PHF21A: variants seen among roughly 807,000 people sequenced by gnomAD.
PHF21A encodes BHC80a.
PHF21A carries 11 observed loss-of-function variants against 82.5 expected under a neutral mutation model. That is an observed-to-expected ratio of 0.13 (90% CI 0.08 to 0.22). The LOEUF (loss-of-function observed/expected upper bound fraction) is 0.22, where lower values mean the gene tolerates loss of function less well. Ranked by LOEUF, PHF21A falls within the 10% of genes least tolerant of loss-of-function variation. PHF21A has a pLI of 1.00. For synonymous variants in PHF21A, 297 were observed against 302.8 expected (o/e 0.98, Z 0.20); for missense variants, 579 against 837.8 (o/e 0.69, Z 3.81).
intron 7 of PHF21A, among the ~76,000 whole-genome samples, chr11:45,975,387 CAAAAT>C (rs1417284473): frequency 1.4e-5 from 2 of 139,842 alleles, no homozygotes; most frequent in African/African-American, 6.0e-5. Context: ...TAAAACAAAA[CAAAAT>C]AAAATAAAAC....
chr11:45,971,818 C>T (rs1171146905), intron 7 of PHF21A, among the ~76,000 whole-genome samples: 2 of 150,172 alleles, frequency 1.3e-5, no homozygotes, highest in Non-Finnish European at 1.5e-5. Flanking sequence ...ATGAAGAAAG[C>T]CACCATACAG....
chr11:46,061,497 C>T (rs912089171), intron 6 of PHF21A, among the ~76,000 whole-genome samples: 1 of 152,150 alleles, frequency 6.6e-6, no homozygotes, highest in African/African-American at 2.4e-5. Context: ...TCTTGTACAA[C>T]ATTTTGCTAT....
chr11:45,983,851 G>A (rs1216733653), intron 6 of PHF21A, among the ~76,000 whole-genome samples: 1 of 152,130 alleles, frequency 6.6e-6, no homozygotes, highest in African/African-American at 2.4e-5. Flanking sequence ...CCCTAGCTGT[G>A]TGGTATCATC....
At chr11:46,078,652 A>C (rs1425388680) in intron 5 of PHF21A, among the ~76,000 whole-genome samples, 1 of 152,134 alleles carries the variant, frequency 6.6e-6, no homozygotes, top group East Asian at 1.9e-4. Context: ...TCAAAAATAA[A>C]ATTTTCTAAA....
chr11:45,940,009 G>T (rs1004871091), intron 15 of PHF21A, among the ~76,000 whole-genome samples: 1 of 151,648 alleles, frequency 6.6e-6, no homozygotes, highest in Non-Finnish European at 1.5e-5. Flanking sequence ...TAATAGAGAG[G>T]AATGTGAATC....
rs1468518480 is a variant in PHF21A, at chr11:45,932,619, CT to C, written c.*1348del. The C allele has an allele frequency of 1.3e-5, 2 of 152,586 alleles. No homozygotes were observed. 9.5% of individuals were successfully genotyped at this position (152,586 alleles called of 1,614,324 possible). Reference sequence around the variant, plus strand: ...CACTGTTTTTAGGAAACAAATAGCACTTTTGTAATTTTTTTTTACAATGTTT... The same window carrying C: ...CACTGTTTTTAGGAAACAAATAGCACTTTGTAATTTTTTTTTACAATGTTT... On this transcript the variant is annotated 3_prime_UTR_variant, in exon 19 of 19. Coordinates refer to ENST00000676320, the MANE Select transcript of PHF21A (RefSeq NM_001352027.3). This position sits in a 1 kb window ranked among gnomAD's most constrained non-coding sequence, Gnocchi z 4.3.
rs558463437 is a variant in PHF21A, at chr11:45,976,826, C to T, written c.360+2934G>A. Among the ~76,000 whole-genome samples the T allele has an allele frequency of 2.0e-4, 30 of 152,220 alleles. No individual in the cohort carries two copies. The South Asian group carries it at 6.0e-3, about 31-fold the overall frequency. ...TCCAGCCTGGGTCAAAGAGCCAGATCCTGTCTAAAAAACAAACAAACAAAC... is the reference window on the plus strand; with the variant it reads ...TCCAGCCTGGGTCAAAGAGCCAGATTCTGTCTAAAAAACAAACAAACAAAC... On this transcript the variant is annotated intron_variant, in intron 7 of 18. Coordinates refer to ENST00000676320, the MANE Select transcript of PHF21A (RefSeq NM_001352027.3).
At chr11:46,083,493 T>C (rs2096819050) in intron 4 of PHF21A, 1 of 152,240 alleles carries the variant, frequency 6.6e-6, no homozygotes, top group Admixed American at 6.5e-5. Context: ...TCCGCTCCCA[T>C]ATCCCCAATT....
In PHF21A at chr11:45,932,485, G is replaced by C. The variant is rs1161500894; in HGVS notation, c.*1483C>G. The C allele has an allele frequency of 6.6e-6, 1 of 152,380 alleles. No individual in the cohort carries two copies. Among genetic ancestry groups the C allele is most frequent in the Non-Finnish European group, 1.5e-5 (1 of 68,032 alleles). The allele number at this position is 152,380 out of a possible 1,614,324, so 9.4% of individuals were successfully genotyped here. ...GTCCTTCAAGGAGACTGGCCCACCA[G>C]TCTAGAGACACACACACGGCAAAAT... is the stretch of plus-strand genomic sequence containing the variant. On this transcript the variant is annotated 3_prime_UTR_variant, in exon 19 of 19. Coordinates refer to ENST00000676320, the MANE Select transcript of PHF21A (RefSeq NM_001352027.3). The surrounding 1 kb of genome is among the most constrained non-coding windows in gnomAD (Gnocchi z 4.3).
chr11:46,005,047 A>G (rs1237857451), intron 6 of PHF21A, among the ~76,000 whole-genome samples: 1 of 152,166 alleles, frequency 6.6e-6, no homozygotes, highest in Non-Finnish European at 1.5e-5. Context: ...GCATGTATAC[A>G]CCCAACTAAT....
chr11:45,966,708 C>G (rs916404314), intron 9 of PHF21A, among the ~76,000 whole-genome samples: 1 of 152,174 alleles, frequency 6.6e-6, no homozygotes, highest in Admixed American at 6.5e-5. Flanking sequence ...CAGCCTCCGC[C>G]TCCCAGGTTC....
chr11:45,942,704 C>A (rs761521602), intron 15 of PHF21A, among the ~76,000 whole-genome samples: 1 of 152,176 alleles, frequency 6.6e-6, no homozygotes, highest in African/African-American at 2.4e-5. Context: ...TGACCCTAGT[C>A]CTCCAAAGGT....
At position 46,101,713 on chromosome 11, in the gene PHF21A, G is replaced by A. The variant is rs553923406; in HGVS notation, c.-236-9490C>T. 4.1e-3 allele frequency among the ~76,000 whole-genome samples: 618 copies of A among 152,088 alleles called. 3 individuals carry two copies. Among genetic ancestry groups the A allele is most frequent in the Non-Finnish European group, 4.8e-3 (329 of 67,968 alleles). On this transcript the variant is annotated intron_variant, in intron 1 of 18. Transcript: ENST00000676320. ...AGTGGCATGGCACAATCACAGCCTC[G>A]CAGCCTCGACCTACCAGGCTTAATC...
intron 1 of PHF21A, among the ~76,000 whole-genome samples, chr11:46,110,613 T>C (rs570345993): frequency 6.6e-6 from 1 of 152,360 alleles, no homozygotes; most frequent in Non-Finnish European, 1.5e-5. Flanking sequence ...TTTAGCCCTT[T>C]GTATTAACTC....
chr11:45,971,905 T>TTTTTTTTTTTTTTTTTA (rs1452859819), intron 7 of PHF21A, among the ~76,000 whole-genome samples: 8 of 89,942 alleles, frequency 8.9e-5, no homozygotes, highest in East Asian at 7.5e-4. Context: ...TTTTTTTTTT[T>TTTTTTTTTTTTTTTTTA]ATGGTGTCAC....
intron 6 of PHF21A, among the ~76,000 whole-genome samples, chr11:46,006,392 C>A (rs1025717471): frequency 6.6e-6 from 1 of 152,154 alleles, no homozygotes; most frequent in African/African-American, 2.4e-5. Flanking sequence ...AAGCACCTAA[C>A]GAAATATTGC....
intron 11 of PHF21A, among the ~76,000 whole-genome samples, chr11:45,952,557 C>T (rs574197117): frequency 6.6e-6 from 1 of 152,318 alleles, no homozygotes; most frequent in East Asian, 1.9e-4. Flanking sequence ...ACAAGTTCCT[C>T]AGCAATTTTT....
intron 6 of PHF21A, among the ~76,000 whole-genome samples, chr11:46,026,634 CA>C (rs199531698): frequency 6.1e-5 from 9 of 146,824 alleles, no homozygotes; most frequent in East Asian, 2.0e-4. Flanking sequence ...TTAGAAAATG[CA>C]AAAAAAAAAT....
chr11:46,114,783 C>G (rs991597058), intron 1 of PHF21A, among the ~76,000 whole-genome samples: 2 of 152,190 alleles, frequency 1.3e-5, no homozygotes, highest in African/African-American at 2.4e-5. Flanking sequence ...GTTAACAATA[C>G]TTGGATCTGC....
Sources: gnomAD v4.1 joint callset for allele counts (sites outside exome capture counted in the v4.1 genomes callset) on GRCh38, gnomAD v4.1.1 for gene constraint, Gnocchi (gnomAD v3.1) non-coding constraint, MANE v1.5 for transcripts, NCBI Gene and HGNC (gene_info 2026-07-23, HGNC 2026-07-21) for gene names.